RTN4: variants seen among roughly 807,000 people sequenced by gnomAD.
The protein encoded by RTN4 is reticulon-4.
Under a neutral mutation model 90.4 loss-of-function variants are expected in RTN4, and 32 were observed. The observed-to-expected ratio is 0.35, with a 90% CI of 0.27 to 0.48. RTN4 has a LOEUF of 0.48. Among genes scored for constraint, RTN4 ranks in the 20% least tolerant of loss-of-function variants. RTN4 has a pLI of 0.99. For synonymous variants in RTN4, 629 were observed against 552.5 expected (o/e 1.14, Z -1.94); for missense variants, 1,706 against 1,430.2 (o/e 1.19, Z -3.11).
In RTN4 at chr2:54,978,290, C is replaced by T. The variant is rs527672731; in HGVS notation, c.3361-3526G>A. Among the ~76,000 whole-genome samples the T allele has an allele frequency of 6.2e-4, 95 of 152,082 alleles. No homozygotes were observed. The Middle Eastern group carries it at 0.01, about 16-fold the overall frequency. On this transcript the variant is annotated intron_variant, in intron 5 of 8. Transcript: ENST00000337526. Reference sequence around the variant, plus strand: ...TCTAAAAATACAAAAATTAGCTGGGCGTGGTGGCGGACACCTGTAGTCCCA... The same window carrying T: ...TCTAAAAATACAAAAATTAGCTGGGTGTGGTGGCGGACACCTGTAGTCCCA...
chr2:55,076,878 G>C (rs1370209629), intron 2 of RTN4, among the ~76,000 whole-genome samples: 5 of 152,084 alleles, frequency 3.3e-5, no homozygotes, highest in Non-Finnish European at 7.4e-5. Context: ...TCTCTCTCTT[G>C]CAACCTTGTG....
chr2:55,110,599 C>G (rs1463935035), intron 1 of RTN4, among the ~76,000 whole-genome samples: 1 of 152,100 alleles, frequency 6.6e-6, no homozygotes, highest in Non-Finnish European at 1.5e-5. Context: ...ATAATGCAGA[C>G]CAATGTCAAT....
intron 1 of RTN4, among the ~76,000 whole-genome samples, chr2:55,083,082 C>T (rs1330446636): frequency 4.6e-5 from 7 of 152,170 alleles, no homozygotes; most frequent in Non-Finnish European, 8.8e-5. Flanking sequence ...CTAATGTAAA[C>T]AATAGAGGAA....
chr2:54,995,171 C>T (rs1450027345), intron 3 of RTN4, among the ~76,000 whole-genome samples: 13 of 150,972 alleles, frequency 8.6e-5, no homozygotes, highest in African/African-American at 3.2e-4. Flanking sequence ...ACTCAGGAGG[C>T]GGAGGTTGCA....
At chr2:55,137,709 C>G in the RTN4 span, among the ~76,000 whole-genome samples, 1 of 152,116 alleles carries the variant, frequency 6.6e-6, no homozygotes, top group African/African-American at 2.4e-5. Flanking sequence ...CCAGCTCAGT[C>G]TCCCCCATGG....
the RTN4 span, among the ~76,000 whole-genome samples, chr2:55,123,936 T>A: frequency 6.6e-6 from 1 of 152,070 alleles, no homozygotes; most frequent in Admixed American, 6.6e-5. Context: ...CCAGCATCTC[T>A]CTGTAAGGCA....
At chr2:55,130,389 T>C in the RTN4 span, among the ~76,000 whole-genome samples, 1 of 152,134 alleles carries the variant, frequency 6.6e-6, no homozygotes, top group African/African-American at 2.4e-5. Context: ...AAAAAAAGTA[T>C]GTGAGGTGAT....
chr2:55,054,589 G>A (rs138708949), upstream of RTN4, among the ~76,000 whole-genome samples: 6 of 152,290 alleles, frequency 3.9e-5, no homozygotes, highest in African/African-American at 1.2e-4. Flanking sequence ...GTTAAAAGGC[G>A]TAGGATGGGT....
chr2:55,039,347 C>T (rs1682903943), intron 1 of RTN4, among the ~76,000 whole-genome samples: 1 of 151,892 alleles, frequency 6.6e-6, no homozygotes, highest in Non-Finnish European at 1.5e-5. Flanking sequence ...GAGAGAGAGA[C>T]CACAAGCAAG....
rs767582257 is a variant in RTN4 at position 55,026,840 on chromosome 2, A to T, written c.1259T>A (p.Val420Glu). 5 of 1,613,818 alleles carry T rather than the reference A, an allele frequency of 3.1e-6. No homozygotes were observed. The highest frequency in any genetic ancestry group is 4.2e-6 in the Non-Finnish European group (5 of 1,179,840). ...GCTATCTGCAAAACATTTTTTATCCACTTTACTTTCCAAGTTGCTCTCGAT... is the reference window on the plus strand; with the variant it reads ...GCTATCTGCAAAACATTTTTTATCCTCTTTACTTTCCAAGTTGCTCTCGAT... ...GKIESNLESK[V>E]DKKCFADSLE... The change falls in exon 3 of 9, where the codon GTG (valine) becomes GAG (glutamate). Residue 420 changes from valine to glutamate, a missense_variant. By Grantham distance (121) the Val-to-Glu change is moderately radical. Coordinates refer to ENST00000337526, the MANE Select transcript of RTN4 (RefSeq NM_020532.5).
chr2:55,092,795 G>T (rs1668963798), intron 1 of RTN4, among the ~76,000 whole-genome samples: 1 of 152,190 alleles, frequency 6.6e-6, no homozygotes. Context: ...GGGCTCCCCT[G>T]GAGAAAGCAG....
intron 1 of RTN4, chr2:55,049,238 G>A (rs1667955141): frequency 1.1e-6 from 1 of 915,960 alleles, no homozygotes; most frequent in Admixed American, 6.2e-5. Flanking sequence ...CGCCAGCCAG[G>A]AGGTGAGGAG....
chr2:55,016,525 G>GT (rs1490415108), intron 3 of RTN4, among the ~76,000 whole-genome samples: 1 of 152,226 alleles, frequency 6.6e-6, no homozygotes, highest in East Asian at 1.9e-4. Flanking sequence ...AGAGGTTGCA[G>GT]TGAGTGGAGA....
At chr2:55,030,583 TAATAAGAG>T (rs1682230680) in intron 1 of RTN4, among the ~76,000 whole-genome samples, 1 of 151,978 alleles carries the variant, frequency 6.6e-6, no homozygotes, top group Non-Finnish European at 1.5e-5. Flanking sequence ...AAAATAAGGA[TAATAAGAG>T]TACCCACCTA....
At chr2:54,974,403 C>A (rs1277999192) in intron 6 of RTN4, among the ~76,000 whole-genome samples, 5 of 152,186 alleles carry the variant, frequency 3.3e-5, no homozygotes, top group Admixed American at 3.3e-4. Flanking sequence ...CCTCAGCCTC[C>A]GGAGTAGCTG....
At chr2:55,126,653 C>A in the RTN4 span, among the ~76,000 whole-genome samples, 2 of 152,168 alleles carry the variant, frequency 1.3e-5, no homozygotes, top group African/African-American at 2.4e-5. Context: ...AACTACCATT[C>A]GACCCAGCAA....
intron 2 of RTN4, among the ~76,000 whole-genome samples, chr2:55,078,233 A>G (rs74957905): frequency 0.039 from 5,935 of 152,178 alleles, 372 homozygotes; most frequent in African/African-American, 0.13. Context: ...TTATCATATT[A>G]TTTTTATTTT....
intron 5 of RTN4, among the ~76,000 whole-genome samples, chr2:54,978,193 G>A (rs1677803342): frequency 6.6e-6 from 1 of 152,180 alleles, no homozygotes; most frequent in African/African-American, 2.4e-5. Flanking sequence ...ACTCTGGGAG[G>A]CCAAGGCAGG....
chr2:55,083,876 T>C (rs1668786126), intron 1 of RTN4, among the ~76,000 whole-genome samples: 1 of 152,210 alleles, frequency 6.6e-6, no homozygotes, highest in Non-Finnish European at 1.5e-5. Context: ...AGCATCTCAA[T>C]TGCTAGGTGC....
Sources: gnomAD v4.1 joint callset for allele counts (sites outside exome capture counted in the v4.1 genomes callset) on GRCh38, gnomAD v4.1.1 for gene constraint, MANE v1.5 for transcripts, NCBI Gene and HGNC (gene_info 2026-07-23, HGNC 2026-07-21) for gene names.